ATP2C1: variants seen among roughly 807,000 people sequenced by gnomAD.
ATP2C1 encodes the protein ATPase secretory pathway Ca2+ transporting 1.
Under a neutral mutation model 120.5 loss-of-function variants are expected in ATP2C1, and 31 were observed. That is an observed-to-expected ratio of 0.26 (90% confidence interval 0.19 to 0.35). ATP2C1 has a LOEUF of 0.35. Among genes scored for constraint, ATP2C1 ranks in the 10% least tolerant of loss-of-function variants. The probability of loss-of-function intolerance (pLI) is 1.00; values close to 1 mark genes in which losing one functional copy is unlikely to be tolerated. For missense variants in ATP2C1, 731 were observed against 1,107.5 expected (o/e 0.66, Z 4.83); for synonymous variants, 351 against 358.7 (o/e 0.98, Z 0.24).
At chr3:130,901,214 G>C (rs2057804576) in intron 2 of ATP2C1, among the ~76,000 whole-genome samples, 1 of 151,990 alleles carries the variant, frequency 6.6e-6, no homozygotes, top group South Asian at 2.1e-4. Context: ...TTAATATTTG[G>C]CTTATGAAAC....
chr3:130,974,416 T>C (rs572912831), intron 17 of ATP2C1, among the ~76,000 whole-genome samples: 1 of 152,318 alleles, frequency 6.6e-6, no homozygotes, highest in South Asian at 2.1e-4. Flanking sequence ...TAGGAAATTG[T>C]GCACTGGCAC....
downstream of ATP2C1, among the ~76,000 whole-genome samples, chr3:131,006,158 C>CTGGA (rs1320919513): frequency 4.6e-5 from 7 of 152,214 alleles, no homozygotes; most frequent in African/African-American, 1.7e-4. Context: ...GTTGCCCAGG[C>CTGGA]TGGAGTGCAG....
Position 130,999,607 on chromosome 3 carries a change from T to G in ATP2C1, c.2577T>G (p.Ile859Met). 1 of 1,613,632 alleles carries G rather than the reference T, an allele frequency of 6.2e-7. No homozygotes were observed. Among genetic ancestry groups the G allele is most frequent in the East Asian group, 2.2e-5 (1 of 44,800 alleles). ...LGSIMGQLLV[I>M]YFPPLQKVFQ... ...CCATCATGGGACAATTACTAGTTAT[T>G]TACTTTCCTCCGCTTCAGAAGGTTT... The change falls in exon 27 of 28, where the codon ATT becomes ATG. Residue 859 changes from isoleucine to methionine, a missense_variant. Physicochemically the swap from Ile to Met is conservative, Grantham distance 10 (BLOSUM62 1). Coordinates refer to ENST00000510168, the MANE Select transcript of ATP2C1 (RefSeq NM_001378687.1).
Position 130,926,951 on chromosome 3 carries a change from G to A in ATP2C1, c.7-3465G>A, listed in dbSNP as rs72628527. 0.012 allele frequency among the ~76,000 whole-genome samples: 1,781 copies of A among 152,260 alleles called. 138 individuals carry two copies. The East Asian group carries it at 0.21, about 18-fold the overall frequency. ...TGGTAGAAAACAGCTATATAAACAC[G>A]GATGTACATATTTCACTGGAAATCT... On this transcript the variant is annotated intron_variant, in intron 2 of 27. Transcript: ENST00000510168.
chr3:130,937,382 C>T, intron 5 of ATP2C1, 46 bp from the exon 6 acceptor site: 1 of 1,525,240 alleles, frequency 6.6e-7, no homozygotes, highest in Non-Finnish European at 9.1e-7. Context: ...TTAACAGTTA[C>T]TTCTCAAGTT....
intron 18 of ATP2C1, among the ~76,000 whole-genome samples, chr3:130,977,217 G>A (rs1255724766): frequency 1.3e-5 from 2 of 152,168 alleles, no homozygotes; most frequent in Non-Finnish European, 2.9e-5. Context: ...TGGGAAGACT[G>A]TGGTGCAGAG....
exon 1 of ATP2C1, chr3:130,850,808 T>G (rs1360951185): frequency 7.4e-7 from 1 of 1,357,608 alleles, no homozygotes; most frequent in East Asian, 2.8e-5. Context: ...AGGACCCTCT[T>G]GCTTTCCTCA....
chr3:130,981,006 CTT>C (rs2061733476), intron 20 of ATP2C1, among the ~76,000 whole-genome samples: 1 of 152,112 alleles, frequency 6.6e-6, no homozygotes, highest in Admixed American at 6.5e-5. Context: ...ACTTCTTACT[CTT>C]TTGTTCAATT....
At chr3:130,864,031 T>A (rs531437023) in intron 1 of ATP2C1, among the ~76,000 whole-genome samples, 4 of 151,890 alleles carry the variant, frequency 2.6e-5, no homozygotes, top group Non-Finnish European at 4.4e-5. Context: ...CAGGCAGAGG[T>A]TGGAACAGTT....
chr3:130,959,203 C>T, intron 11 of ATP2C1, 72 bp from the exon 12 acceptor site: 2 of 1,147,090 alleles, frequency 1.7e-6, no homozygotes, highest in Non-Finnish European at 2.6e-6. Flanking sequence ...GTTTTAGATT[C>T]CTTCAGCTTG....
chr3:130,872,606 A>G (rs1576560326), intron 1 of ATP2C1, among the ~76,000 whole-genome samples: 2 of 148,172 alleles, frequency 1.3e-5, no homozygotes, highest in African/African-American at 5.0e-5. Context: ...TTTTTTAAAG[A>G]TGGGGTCTTA....
Position 130,979,373 on chromosome 3 carries a change from A to T in ATP2C1, c.1695A>T (p.Ser565=). The part of the protein sequence containing the change: ...AVTTLIASGV[S]IKMITGDSQE... ...CAACACTCATTGCCTCAGGAGTATC[A>T]ATAAAAATGATTACTGGAGATTCAC... Residue 565 remains serine (S), a synonymous_variant, in exon 19 of 28, where the codon TCA becomes TCT. Transcript: ENST00000510168. 6.2e-7 allele frequency: 1 copy of T among 1,613,722 alleles called. No individual in the cohort carries two copies. Among genetic ancestry groups the T allele is most frequent in the Non-Finnish European group, 8.5e-7 (1 of 1,179,734 alleles).
chr3:130,883,945 C>CTTTTTTTTTTTTTTTTTTTTTTTT (rs35365168), intron 1 of ATP2C1, among the ~76,000 whole-genome samples: 1 of 122,434 alleles, frequency 8.2e-6, no homozygotes. Context: ...TTCTTTTCTT[C>CTTTTTTTTTTTTTTTTTTTTTTTT]TTTTTTTTTT....
At chr3:130,868,432 GCCCC>G (rs1402225270) in intron 1 of ATP2C1, 2 of 124,064 alleles carry the variant, frequency 1.6e-5, no homozygotes, top group South Asian at 2.7e-4. Flanking sequence ...TGGGGGGTCA[GCCCC>G]CCGCCTGGCC....
exon 1 of ATP2C1, chr3:130,850,759 T>C: frequency 3.8e-6 from 3 of 797,580 alleles, no homozygotes; most frequent in South Asian, 2.3e-5. Context: ...ATTGCTAAGT[T>C]TCTAATTTCA....
chr3:130,953,809 A>G lies in ATP2C1; in HGVS notation c.532-12A>G. On this transcript the variant is annotated splice_polypyrimidine_tract_variant and intron_variant, in intron 8 of 27. Transcript: ENST00000510168. ...ACAAAATTTGAATCTGGGATTCTTT[A>G]TGTTCCCTAAGGCTGTGGATCTTTC... 4 of 1,613,964 alleles carry G rather than the reference A, an allele frequency of 2.5e-6. No individual in the cohort carries two copies. Among genetic ancestry groups the G allele is most frequent in the Non-Finnish European group, 3.4e-6 (4 of 1,179,870 alleles).
Position 130,999,029 on chromosome 3 carries a change from A to G in ATP2C1, c.2488-489A>G, listed in dbSNP as rs59701332. On this transcript the variant is annotated intron_variant, in intron 26 of 27. Coordinates refer to ENST00000510168, the MANE Select transcript of ATP2C1 (RefSeq NM_001378687.1). ...ATCCTTAACTATATTACCATTTGCCATGCTGGAACTTCTGAGTACAGCGAA... is the reference window on the plus strand; with the variant it reads ...ATCCTTAACTATATTACCATTTGCCGTGCTGGAACTTCTGAGTACAGCGAA... 4.5e-3 allele frequency among the ~76,000 whole-genome samples: 685 copies of G among 152,290 alleles called. 3 individuals are homozygous for G. The highest frequency in any genetic ancestry group is 0.016 in the African/African-American group (652 of 41,558).
intron 2 of ATP2C1, chr3:130,918,616 A>G: frequency 1.5e-6 from 1 of 675,486 alleles, no homozygotes; most frequent in Non-Finnish European, 2.8e-6. Context: ...TTCTTTCCAT[A>G]GCAGGATTTG....
At chr3:130,905,918 C>G (rs1323139943) in intron 2 of ATP2C1, among the ~76,000 whole-genome samples, 1 of 151,972 alleles carries the variant, frequency 6.6e-6, no homozygotes, top group African/African-American at 2.4e-5. Context: ...CAGCTGTGGC[C>G]CCATAACTGT....
Sources: gnomAD v4.1 joint callset for allele counts (sites outside exome capture counted in the v4.1 genomes callset) on GRCh38, gnomAD v4.1.1 for gene constraint, MANE v1.5 for transcripts, NCBI Gene and HGNC (gene_info 2026-07-23, HGNC 2026-07-21) for gene names.